DDX21: variants seen among roughly 807,000 people sequenced by gnomAD.
DDX21 encodes the protein DExD-box helicase 21.
In DDX21, 18 loss-of-function variants were observed where a neutral mutation model predicts 90.0. That is an observed-to-expected ratio of 0.20 (90% CI 0.14 to 0.30). DDX21 has a LOEUF of 0.30. DDX21 is among the 10% of genes least tolerant of loss of function. The probability of loss-of-function intolerance (pLI) is 1.00; values close to 1 mark genes in which losing one functional copy is unlikely to be tolerated. For missense variants in DDX21, 673 were observed against 944.5 expected, an observed-to-expected ratio of 0.71 and a Z score of 3.77; for synonymous variants, 294 against 318.0, an observed-to-expected ratio of 0.92 and a Z score of 0.80.
chr10:68,956,213 A>C lies in DDX21; in HGVS notation c.-13A>C, dbSNP rs1446675285. On this transcript the variant is annotated 5_prime_UTR_variant, in exon 1 of 15. Coordinates refer to ENST00000354185, the MANE Select transcript of DDX21 (RefSeq NM_004728.4). ...TTGAGAAGACCGGTCGGCCTGGGCA[A>C]CCTGCGCTGAAGATGCCGGGAAAAC... The C allele has an allele frequency of 3.1e-6, 5 of 1,613,758 alleles. No homozygotes were observed. The African/African-American group carries it at 5.3e-5, about 17-fold the overall frequency.
At chr10:68,957,070 C>T (rs1842808630) in intron 1 of DDX21, among the ~76,000 whole-genome samples, 1 of 151,580 alleles carries the variant, frequency 6.6e-6, no homozygotes, top group Admixed American at 6.6e-5. Context: ...GGCACTGGAG[C>T]TTTAGAGTAG....
At chr10:68,963,843 G>A (rs925520323) in intron 4 of DDX21, among the ~76,000 whole-genome samples, 1 of 152,072 alleles carries the variant, frequency 6.6e-6, no homozygotes, top group Non-Finnish European at 1.5e-5. Flanking sequence ...GCTCACACCT[G>A]TAATCCCAGC....
At chr10:68,967,847 T>G (rs1842960634) in intron 6 of DDX21, among the ~76,000 whole-genome samples, 1 of 152,144 alleles carries the variant, frequency 6.6e-6, no homozygotes, top group African/African-American at 2.4e-5. Context: ...AATAGTTCTG[T>G]TTAGCCACTT....
intron 9 of DDX21, among the ~76,000 whole-genome samples, chr10:68,972,345 T>C (rs1843037477): frequency 6.6e-6 from 1 of 151,952 alleles, no homozygotes. Flanking sequence ...TAGGGGTAAG[T>C]AAGGTAGATA....
intron 11 of DDX21, among the ~76,000 whole-genome samples, chr10:68,976,985 TTG>T (rs1843110794): frequency 6.6e-6 from 1 of 152,030 alleles, no homozygotes; most frequent in South Asian, 2.1e-4. Context: ...CTTAAAATGA[TTG>T]TGTGTGGCAC....
intron 9 of DDX21, among the ~76,000 whole-genome samples, chr10:68,973,089 G>C (rs988906026): frequency 2.0e-5 from 3 of 152,066 alleles, no homozygotes; most frequent in Non-Finnish European, 2.9e-5. Flanking sequence ...CAGCTACTTG[G>C]GAGGCTGAGA....
chr10:68,982,444 C>A, intron 14 of DDX21, 99 bp from the exon 15 acceptor site: 1 of 1,468,822 alleles, frequency 6.8e-7, no homozygotes, highest in Non-Finnish European at 9.1e-7. Context: ...TATGTTATCA[C>A]CTTTTCTTTG....
intron 4 of DDX21, 81 bp from the exon 5 acceptor site, chr10:68,965,296 C>A: frequency 9.1e-7 from 1 of 1,095,408 alleles, no homozygotes. Flanking sequence ...TCGTTCTTTT[C>A]CTGGAATGCT....
At chr10:68,964,766 G>A (rs578234570) in intron 4 of DDX21, among the ~76,000 whole-genome samples, 2 of 142,062 alleles carry the variant, frequency 1.4e-5, no homozygotes, top group Non-Finnish European at 3.0e-5. Flanking sequence ...TGATCCTCCC[G>A]CCTCAACATC....
intron 11 of DDX21, among the ~76,000 whole-genome samples, chr10:68,976,117 C>T (rs563343600): frequency 6.6e-6 from 1 of 151,278 alleles, no homozygotes; most frequent in South Asian, 2.1e-4. Flanking sequence ...GTCCCAGCTA[C>T]TCTGGAGGCT....
chr10:68,976,583 A>G (rs1217586909), intron 11 of DDX21, among the ~76,000 whole-genome samples: 1 of 152,174 alleles, frequency 6.6e-6, no homozygotes, highest in East Asian at 1.9e-4. Context: ...CACCACACCC[A>G]GCCTGGAAGA....
chr10:68,985,000 G>A lies in DDX21; in HGVS notation c.*2188G>A, dbSNP rs1434725790. 6.6e-6 allele frequency: 1 copy of A among 152,040 alleles called. No homozygotes were observed. Among genetic ancestry groups the A allele is most frequent in the African/African-American group, 2.4e-5 (1 of 41,394 alleles). 9.4% of individuals were successfully genotyped at this position (152,040 alleles called of 1,614,324 possible). On this transcript the variant is annotated 3_prime_UTR_variant, in exon 15 of 15. Coordinates refer to ENST00000354185, the MANE Select transcript of DDX21 (RefSeq NM_004728.4). ...AGTTTCTCTACAGTTGTGCATAAAT[G>A]TTTTTACTATAAAATGAGCTAATGT...
At position 68,983,119 on chromosome 10, in the gene DDX21, G is replaced by A. The variant is rs925292751; in HGVS notation, c.*307G>A. 2 of 346,956 alleles carry A rather than the reference G, an allele frequency of 5.8e-6. No homozygotes were observed. The highest frequency in any genetic ancestry group is 5.4e-6 in the Non-Finnish European group (1 of 185,280). The allele number at this position is 346,956 out of a possible 1,614,324, so 21.5% of individuals were successfully genotyped here. ...TCAAGCATGTATCTGCCTATACTTT[G>A]TGAGTTCACCTGTCTTTATACTCAA... On this transcript the variant is annotated 3_prime_UTR_variant, in exon 15 of 15. Coordinates refer to ENST00000354185, the MANE Select transcript of DDX21 (RefSeq NM_004728.4).
intron 6 of DDX21, among the ~76,000 whole-genome samples, chr10:68,968,128 G>A (rs1470214852): frequency 6.6e-6 from 1 of 151,576 alleles, no homozygotes; most frequent in African/African-American, 2.4e-5. Flanking sequence ...TCCCACTTTG[G>A]CCTCCCAGAA....
chr10:68,960,079 T>C lies in DDX21; in HGVS notation c.361T>C (p.Ser121Pro). 1 of 1,611,312 alleles carries C rather than the reference T, an allele frequency of 6.2e-7. No individual in the cohort carries two copies. The highest frequency in any genetic ancestry group is 8.5e-7 in the Non-Finnish European group (1 of 1,179,568). The change falls in exon 2 of 15, where the codon TCT (serine) becomes CCT (proline). Residue 121 changes from serine (S) to proline (P), a missense_variant. Ser to Pro is a moderately conservative substitution (Grantham distance 74). Transcript: ENST00000354185. ...AAAAGTGACAAAAAATGAGGAGCCTTCTGAGGAAGAAATAGATGCTCCTAA... is the reference window on the plus strand; with the variant it reads ...AAAAGTGACAAAAAATGAGGAGCCTCCTGAGGAAGAAATAGATGCTCCTAA... ...TKKVTKNEEP[S>P]EEEIDAPKPK... is the part of the protein sequence containing the mutation.
At chr10:68,958,153 C>T (rs1039096804) in intron 1 of DDX21, among the ~76,000 whole-genome samples, 5 of 151,976 alleles carry the variant, frequency 3.3e-5, no homozygotes, top group Non-Finnish European at 5.9e-5. Flanking sequence ...GTTTTGCTGT[C>T]GTTGCCCAGG....
chr10:68,971,855 GA>G, intron 8 of DDX21, 35 bp from the exon 9 acceptor site: 1 of 1,600,830 alleles, frequency 6.2e-7, no homozygotes, highest in Non-Finnish European at 8.5e-7. Context: ...TGTATTGTTG[GA>G]ACTGGTGTTC....
chr10:68,960,304 T>C (rs912602452), intron 2 of DDX21, 55 bp downstream of exon 2: 1 of 1,517,876 alleles, frequency 6.6e-7, no homozygotes, highest in Non-Finnish European at 8.8e-7. Flanking sequence ...TTCAGATAAA[T>C]AAGTAGGTAA....
chr10:68,977,028 A>C lies in DDX21; in HGVS notation c.1743-501A>C, dbSNP rs1843111325. The stretch of plus-strand genomic sequence containing the variant: ...TAGCTCACTGCAATCCTCCCACCTC[A>C]GCCTCCCAAGTAGCTGGGACTACAG... On this transcript the variant is annotated intron_variant, in intron 11 of 14. Coordinates refer to ENST00000354185, the MANE Select transcript of DDX21 (RefSeq NM_004728.4). 2.6e-5 allele frequency among the ~76,000 whole-genome samples: 4 copies of C among 151,136 alleles called. No homozygotes were observed. The South Asian group carries it at 8.3e-4, about 32-fold the overall frequency.
Sources: allele counts gnomAD v4.1 joint callset (sites outside exome capture counted in the v4.1 genomes callset), GRCh38; gene constraint gnomAD v4.1.1; transcripts MANE v1.5; gene names NCBI Gene and HGNC (gene_info 2026-07-23, HGNC 2026-07-21).